ABCA7: variants seen among roughly 807,000 people sequenced by gnomAD.
ABCA7 encodes the protein phospholipid-transporting ATPase ABCA7.
ABCA7 carries 261 observed loss-of-function variants against 227.6 expected under a neutral mutation model. The ratio of observed to expected loss-of-function variants is 1.15; its 90% CI spans 1.04 to 1.27. The LOEUF (loss-of-function observed/expected upper bound fraction) is 1.27, where lower values mean the gene tolerates loss of function less well. Among genes scored for constraint, ABCA7 ranks in the 50% most tolerant of loss-of-function variants. The probability of loss-of-function intolerance (pLI) is 0.00; values close to 1 mark genes in which losing one functional copy is unlikely to be tolerated. For missense variants in ABCA7, 3,331 were observed against 2,924.5 expected (o/e 1.14, Z -3.21); for synonymous variants, 1,488 against 1,279.7 (o/e 1.16, Z -3.47).
chr19:1,060,504 C>G (rs1430291711), intron 40 of ABCA7, among the ~76,000 whole-genome samples: 1 of 150,864 alleles, frequency 6.6e-6, no homozygotes, highest in African/African-American at 2.5e-5. Context: ...AGCCACCATG[C>G]CCGGCCTTTG....
intron 35 of ABCA7, among the ~76,000 whole-genome samples, 177 bp from the exon 36 acceptor site, chr19:1,057,738 T>C (rs1328710128): frequency 8.0e-6 from 1 of 125,580 alleles, no homozygotes; most frequent in Non-Finnish European, 1.7e-5. Context: ...GACCCACCTC[T>C]AAAAAAGAAA....
At position 1,051,946 on chromosome 19, in the gene ABCA7, C is replaced by T; in HGVS notation, c.2967C>T (p.Arg989=). 6.2e-7 allele frequency: 1 copy of T among 1,611,280 alleles called. No homozygotes were observed. Among genetic ancestry groups the T allele is most frequent in the Non-Finnish European group, 8.5e-7 (1 of 1,179,782 alleles). ...WELLLKYREG[R]TLILSTHHLD... ...GGGTTGGTCCCCCGTGCCTAGGTCG[C>T]ACGCTGATCCTCTCCACCCACCACC... Residue 989 remains arginine, a synonymous_variant, in exon 22 of 47, where the codon CGC becomes CGT. Coordinates refer to ENST00000263094, the MANE Select transcript of ABCA7 (RefSeq NM_019112.4).
In ABCA7 at chr19:1,064,830, C is replaced by T. The variant is rs932807261; in HGVS notation, c.6045-101C>T. On this transcript the variant is annotated intron_variant, in intron 45 of 46. Transcript: ENST00000263094. ...GGACCACTTGATCGCTAGGGTAGTA[C>T]AAGTATGGGGCGGGGCCAGAGAGTA... 24 of 1,435,526 alleles carry T rather than the reference C, an allele frequency of 1.7e-5. 1 individual carries two copies. The South Asian group carries it at 3.2e-4, about 19-fold the overall frequency. The allele number at this position is 1,435,526 out of a possible 1,614,324, so 88.9% of individuals were successfully genotyped here.
intron 40 of ABCA7, among the ~76,000 whole-genome samples, chr19:1,060,246 C>A (rs1294735671): frequency 6.8e-6 from 1 of 146,958 alleles, no homozygotes; most frequent in East Asian, 1.9e-4. Context: ...TGGAGTCTCA[C>A]TGTCACCCAG....
intron 42 of ABCA7, 120 bp downstream of exon 42, chr19:1,062,433 C>A: frequency 6.8e-7 from 1 of 1,466,764 alleles, no homozygotes; most frequent in East Asian, 2.3e-5. Context: ...GTCCCTGCCC[C>A]CAGACCGTGC....
Position 1,047,583 on chromosome 19 carries a change from T to A in ABCA7, c.2198T>A (p.Val733Asp). The A allele has an allele frequency of 6.2e-7, 1 of 1,603,324 alleles. No individual in the cohort carries two copies. The highest frequency in any genetic ancestry group is 8.5e-7 in the Non-Finnish European group (1 of 1,179,278). Residue 733 changes from valine (V) to aspartate (D), a missense_variant, in exon 16 of 47, where the codon GTC (valine) becomes GAC (aspartate). Coordinates refer to ENST00000263094, the MANE Select transcript of ABCA7 (RefSeq NM_019112.4). ...GCAGACGTCTTCAGCCTGGCCCAGGTCTCTGGCCTTCTGCTGCTGGACGCG... is the reference window on the plus strand; with the variant it reads ...GCAGACGTCTTCAGCCTGGCCCAGGACTCTGGCCTTCTGCTGCTGGACGCG... ...PTADVFSLAQ[V>D]SGLLLLDAAL...
chr19:1,052,126 G>A lies in ABCA7; in HGVS notation c.3147G>A (p.Lys1049=). 1 of 1,611,996 alleles carries A rather than the reference G, an allele frequency of 6.2e-7. No individual in the cohort carries two copies. Among genetic ancestry groups the A allele is most frequent in the Non-Finnish European group, 8.5e-7 (1 of 1,179,694 alleles). The change falls in exon 22 of 47, where the codon AAG becomes AAA. Residue 1049 remains lysine (K), a splice_region_variant and synonymous_variant. Coordinates refer to ENST00000263094, the MANE Select transcript of ABCA7 (RefSeq NM_019112.4). ...KARLPLTTNE[K]ADTDMEGSVD... ...GCCTGCCCCTGACCACCAATGAGAA[G>A]GTGGGGACCGGCCTTCTCCTGACCC...
intron 34 of ABCA7, 41 bp from the exon 35 acceptor site, chr19:1,057,273 C>T: frequency 6.2e-7 from 1 of 1,608,406 alleles, no homozygotes; most frequent in Non-Finnish European, 8.5e-7. Flanking sequence ...GCAGTGCCCA[C>T]CTCTTTAGGC....
Position 1,062,202 on chromosome 19 carries a change from C to T in ABCA7, c.5601C>T (p.Leu1867=). 6.2e-7 allele frequency: 1 copy of T among 1,612,420 alleles called. No individual in the cohort carries two copies. Among genetic ancestry groups the T allele is most frequent in the South Asian group, 1.1e-5 (1 of 91,090 alleles). ...SVAREPSAAH[L]SMGYCPQSDA... ...CCCGGGAACCCAGTGCTGCGCACCT[C>T]AGCATGGGATACTGCCCTCAATCCG... The change falls in exon 42 of 47, where the codon CTC becomes CTT. Residue 1867 remains leucine, a synonymous_variant. Coordinates refer to ENST00000263094, the MANE Select transcript of ABCA7 (RefSeq NM_019112.4).
chr19:1,064,646 T>C, intron 45 of ABCA7: 1 of 527,256 alleles, frequency 1.9e-6, no homozygotes, highest in Admixed American at 3.7e-5. Flanking sequence ...AAGAGGAGTG[T>C]CCGAAAAAGG....
chr19:1,063,451 T>G (rs529634746), intron 42 of ABCA7, 93 bp from the exon 43 acceptor site: 6 of 1,513,228 alleles, frequency 4.0e-6, no homozygotes, highest in Non-Finnish European at 4.4e-6. Flanking sequence ...ATTATGCCCC[T>G]GCTCCACACT....
chr19:1,046,278 C>G lies in ABCA7; in HGVS notation c.1494C>G (p.Tyr498Ter). 3 of 1,606,702 alleles carry G rather than the reference C, an allele frequency of 1.9e-6. No homozygotes were observed. The highest frequency in any genetic ancestry group is 2.2e-5 in the South Asian group (2 of 91,064). The change falls in exon 13 of 47, where the codon TAC becomes TAG. Residue 498 changes from tyrosine to a stop codon, truncating the protein, a stop_gained. Coordinates refer to ENST00000263094, the MANE Select transcript of ABCA7 (RefSeq NM_019112.4). LOFTEE classifies it high-confidence loss of function. ...CGGACCCCCTGACCGACCTGCGCTA[C>G]GTGTGGGGCGGCTTCGTGTACCTGC... ...PAADPLTDLR[Y>*]VWGGFVYLQD...
chr19:1,054,685 C>A lies in ABCA7; in HGVS notation c.3842C>A (p.Ser1281Tyr). 1 of 1,612,786 alleles carries A rather than the reference C, an allele frequency of 6.2e-7. No individual in the cohort carries two copies. Among genetic ancestry groups the A allele is most frequent in the Non-Finnish European group, 8.5e-7 (1 of 1,179,440 alleles). ...CCCACCATGTACGGTGCTCAGGTGT[C>A]CTTCTTCAGGTGGGTGCAGAAGGAA... is the stretch of plus-strand genomic sequence containing the variant. Reference protein sequence around the residue: ...LSPTMYGAQVSFFSEDAPGDP... With the variant: ...LSPTMYGAQVYFFSEDAPGDP... The change falls in exon 28 of 47, where the codon TCC (serine) becomes TAC (tyrosine). Residue 1281 changes from serine to tyrosine, a missense_variant. Coordinates refer to ENST00000263094, the MANE Select transcript of ABCA7 (RefSeq NM_019112.4). This position sits in a 1 kb window ranked among gnomAD's most constrained non-coding sequence, Gnocchi z 4.8.
chr19:1,051,131 C>G, intron 19 of ABCA7, 24 bp from the exon 20 acceptor site: 1 of 1,609,536 alleles, frequency 6.2e-7, no homozygotes, highest in Non-Finnish European at 8.5e-7. Flanking sequence ...ATGTGGGTCA[C>G]TCTGCTCTGT....
At position 1,048,919 on chromosome 19, in the gene ABCA7, G is replaced by C. The variant is rs745624155; in HGVS notation, c.2294G>C (p.Trp765Ser). 6.2e-7 allele frequency: 1 copy of C among 1,609,250 alleles called. No individual in the cohort carries two copies. The highest frequency in any genetic ancestry group is 8.5e-7 in the Non-Finnish European group (1 of 1,178,170). ...GGCCAGTACGGGATCCCTGAACCAT[G>C]GAATTTTCCTTTTCGGAGGAGCTAC... ...CPGQYGIPEP[W>S]NFPFRRSYWC... is the part of the protein sequence containing the mutation. The change falls in exon 17 of 47, where the codon TGG becomes TCG. Residue 765 changes from tryptophan to serine, a missense_variant. Trp to Ser is a radical substitution (Grantham distance 177, BLOSUM62 -3). Transcript: ENST00000263094.
At chr19:1,045,819 T>C (rs1239769860) in intron 12 of ABCA7, among the ~76,000 whole-genome samples, 4 of 151,822 alleles carry the variant, frequency 2.6e-5, no homozygotes, top group Non-Finnish European at 5.9e-5. Context: ...ACTAACTCGG[T>C]GAAACCCTGC....
chr19:1,041,866 A>G lies in ABCA7; in HGVS notation c.196A>G (p.Thr66Ala). Residue 66 changes from threonine to alanine, a missense_variant, in exon 4 of 47, where the codon ACC (threonine) becomes GCC (alanine). By Grantham distance (58) the Thr-to-Ala change is moderately conservative. Coordinates refer to ENST00000263094, the MANE Select transcript of ABCA7 (RefSeq NM_019112.4). ...AAACAAGCCACTGCCATCGGCGGGCACCGTGCCCTGGCTCCAGGGTCTCAT... is the reference window on the plus strand; with the variant it reads ...AAACAAGCCACTGCCATCGGCGGGCGCCGTGCCCTGGCTCCAGGGTCTCAT... ...FPNKPLPSAGTVPWLQGLICN... is the reference protein window; with the variant it reads ...FPNKPLPSAGAVPWLQGLICN... 1.9e-6 allele frequency: 3 copies of G among 1,597,936 alleles called. No homozygotes were observed. The highest frequency in any genetic ancestry group is 2.5e-6 in the Non-Finnish European group (3 of 1,176,892).
rs773200130 is a variant in ABCA7, at chr19:1,051,115, C to G, written c.2685-40C>G. 1.7e-5 allele frequency: 27 copies of G among 1,610,698 alleles called. No homozygotes were observed. In the Admixed American group the frequency reaches 3.8e-4, roughly 23 times the overall value. On this transcript the variant is annotated intron_variant, in intron 19 of 46. Transcript: ENST00000263094. ...GGACTGGACGCCCTCTGGGACTCTGCCTGCCATGTGGGTCACTCTGCTCTG... is the reference window on the plus strand; with the variant it reads ...GGACTGGACGCCCTCTGGGACTCTGGCTGCCATGTGGGTCACTCTGCTCTG...
At chr19:1,041,751 T>A (rs2040057299) in intron 3 of ABCA7, 80 bp from the exon 4 acceptor site, 1 of 1,587,672 alleles carries the variant, frequency 6.3e-7, no homozygotes, top group Non-Finnish European at 8.5e-7. Context: ...GCTGGAGGCA[T>A]GCAAGCGGTG....
Sources: gnomAD v4.1 joint callset for allele counts (sites outside exome capture counted in the v4.1 genomes callset) on GRCh38, gnomAD v4.1.1 for gene constraint, Gnocchi (gnomAD v3.1) non-coding constraint, MANE v1.5 for transcripts, NCBI Gene and HGNC (gene_info 2026-07-23, HGNC 2026-07-21) for gene names.